Variants in C7 observed in about 807,000 individuals in gnomAD.
C7 encodes complement C7, also known as complement component C7.
A neutral mutation model predicts 104.8 loss-of-function variants in C7; 83 were observed. The observed-to-expected ratio is 0.79, with a 90% CI of 0.66 to 0.95. The LOEUF (loss-of-function observed/expected upper bound fraction) is 0.95, where lower values mean the gene tolerates loss of function less well. C7 is among the 40% of genes least tolerant of loss of function. The pLI is 0.00. For missense variants in C7, 1,070 were observed against 1,011.2 expected (o/e 1.06, Z -0.79); for synonymous variants, 415 against 360.6 (o/e 1.15, Z -1.71).
At chr5:40,925,545 C>G (rs1739533436) in intron 1 of C7, among the ~76,000 whole-genome samples, 1 of 152,210 alleles carries the variant, frequency 6.6e-6, no homozygotes, top group Admixed American at 6.6e-5. Flanking sequence ...AGTTCCAAAG[C>G]TGCTTTCACA....
At chr5:40,911,802 G>A (rs187654561) in intron 1 of C7, among the ~76,000 whole-genome samples, 3 of 149,796 alleles carry the variant, frequency 2.0e-5, no homozygotes, top group South Asian at 4.2e-4. Context: ...GCAGAGGTAC[G>A]ATCTCTGCTC....
chr5:40,914,410 G>C (rs1739275108), intron 1 of C7, among the ~76,000 whole-genome samples: 1 of 152,102 alleles, frequency 6.6e-6, no homozygotes, highest in South Asian at 2.1e-4. Flanking sequence ...CCATTCTGTA[G>C]GTTGTCTGTT....
intron 15 of C7, among the ~76,000 whole-genome samples, chr5:40,974,941 A>G (rs1023763687): frequency 6.6e-6 from 1 of 152,138 alleles, no homozygotes; most frequent in Non-Finnish European, 1.5e-5. Flanking sequence ...GGTGCTTAGC[A>G]GCATCCCTGG....
At chr5:40,972,630 A>G (rs1561259627) in intron 15 of C7, 36 bp downstream of exon 15, 16 of 1,533,908 alleles carry the variant, frequency 1.0e-5, no homozygotes, top group Middle Eastern at 2.1e-4. Flanking sequence ...GGACACTTGT[A>G]CCCAGGCAAG....
chr5:40,953,052 C>G (rs1405199538), intron 9 of C7, among the ~76,000 whole-genome samples: 1 of 152,014 alleles, frequency 6.6e-6, no homozygotes, highest in East Asian at 1.9e-4. Flanking sequence ...TCTGCAGTTC[C>G]CTCAGATGAT....
intron 16 of C7, 30 bp from the exon 17 acceptor site, chr5:40,979,695 G>C (rs773406887): frequency 6.4e-6 from 10 of 1,573,750 alleles, no homozygotes; most frequent in South Asian, 5.8e-5. Flanking sequence ...CAAAAATCTT[G>C]TAAATAATGT....
chr5:40,964,779 G>A lies in C7; in HGVS notation c.1788G>A (p.Val596=). 6.2e-7 allele frequency: 1 copy of A among 1,613,088 alleles called. No homozygotes were observed. The highest frequency in any genetic ancestry group is 8.5e-7 in the Non-Finnish European group (1 of 1,179,136). The change falls in exon 14 of 18, where the codon GTG becomes GTA. Residue 596 remains valine (V), a synonymous_variant. Coordinates refer to ENST00000313164, the MANE Select transcript of C7 (RefSeq NM_000587.4). ...GTMFPVGKNV[V]YTCNEGYSLI... ...TGTTTCCTGTGGGGAAAAATGTAGT[G>A]TACACTTGCAATGAAGGATACTCTC...
chr5:40,912,296 T>C (rs1459191969), intron 1 of C7, among the ~76,000 whole-genome samples: 1 of 152,192 alleles, frequency 6.6e-6, no homozygotes, highest in Non-Finnish European at 1.5e-5. Context: ...ATAATGAGTA[T>C]GTATATGAAG....
At chr5:40,947,127 TCTCA>T (rs1215856867) in intron 7 of C7, among the ~76,000 whole-genome samples, 2 of 146,906 alleles carry the variant, frequency 1.4e-5, no homozygotes, top group Non-Finnish European at 3.0e-5. Context: ...TGATATTGGG[TCTCA>T]CTCTGTTACC....
At chr5:40,928,950 A>G (rs1739615010) in intron 2 of C7, among the ~76,000 whole-genome samples, 2 of 152,178 alleles carry the variant, frequency 1.3e-5, no homozygotes, top group Admixed American at 6.5e-5. Context: ...TTAGAGCAAT[A>G]TTTGATCTTT....
chr5:40,936,345 C>T lies in C7; in HGVS notation c.288C>T (p.Cys96=). Residue 96 remains cysteine (C), a synonymous_variant, in exon 5 of 18, where the codon TGC becomes TGT. Transcript: ENST00000313164. ...GERFRCFSGQ[C]ISKSLVCNGD... The stretch of plus-strand genomic sequence containing the variant: ...GATTTCTCTGGTGTTCAGGTCAGTG[C>T]ATCAGCAAATCATTGGTTTGCAATG... The T allele has an allele frequency of 1.9e-6, 3 of 1,613,168 alleles. No individual in the cohort carries two copies. The highest frequency in any genetic ancestry group is 1.7e-6 in the Non-Finnish European group (2 of 1,179,358).
intron 1 of C7, among the ~76,000 whole-genome samples, chr5:40,926,947 A>G (rs570109120): frequency 6.3e-4 from 93 of 147,938 alleles, no homozygotes; most frequent in African/African-American, 2.4e-3. Flanking sequence ...TAAGGCAATC[A>G]TGGGCAAAAA....
intron 1 of C7, among the ~76,000 whole-genome samples, chr5:40,917,276 C>A (rs1739338510): frequency 6.6e-6 from 1 of 152,188 alleles, no homozygotes; most frequent in African/African-American, 2.4e-5. Context: ...AATCCCCACC[C>A]TGCCCCCATG....
rs769866928 is a variant in C7, at chr5:40,955,541, C to A, written c.1248C>A (p.Val416=). Residue 416 remains valine (V), a synonymous_variant, in exon 10 of 18, where the codon GTC becomes GTA. Coordinates refer to ENST00000313164, the MANE Select transcript of C7 (RefSeq NM_000587.4). ...WAESVTNLPQ[V]IKQKLTPLYE... Reference sequence around the variant, plus strand: ...AATCTGTGACTAATCTTCCTCAAGTCATAAAACAAAAGGTATGTCAGGCTT... The same window carrying A: ...AATCTGTGACTAATCTTCCTCAAGTAATAAAACAAAAGGTATGTCAGGCTT... 3 of 1,611,450 alleles carry A rather than the reference C, an allele frequency of 1.9e-6. No individual in the cohort carries two copies. In the Admixed American group the frequency reaches 5.0e-5, roughly 27 times the overall value.
At position 40,918,960 on chromosome 5, in the gene C7, A is replaced by G. The variant is rs1026816579; in HGVS notation, c.6+9344A>G. ...TAATGAATCTAACAGACACACACAC[A>G]CACACACACACACACACACACACAC... On this transcript the variant is annotated intron_variant, in intron 1 of 17. Coordinates refer to ENST00000313164, the MANE Select transcript of C7 (RefSeq NM_000587.4). Among the ~76,000 whole-genome samples the G allele has an allele frequency of 3.9e-5, 4 of 101,986 alleles. No individual in the cohort carries two copies. In the Admixed American group the frequency reaches 4.4e-4, roughly 11 times the overall value. 66.9% of individuals were successfully genotyped at this position (101,986 alleles called of 152,430 possible). A position where few individuals can be genotyped will look rare whatever the true frequency, so the allele number is the denominator to read the frequency against.
intron 15 of C7, among the ~76,000 whole-genome samples, chr5:40,975,745 A>G (rs895841984): frequency 2.0e-5 from 3 of 152,184 alleles, no homozygotes; most frequent in Non-Finnish European, 1.5e-5. Flanking sequence ...TCATTTTTAC[A>G]GGTTTATGAA....
At chr5:40,968,592 ATATATATATTTTTTTTTTT>A (rs1740618517) in intron 14 of C7, among the ~76,000 whole-genome samples, 5 of 34,000 alleles carry the variant, frequency 1.5e-4, no homozygotes, top group African/African-American at 6.5e-4. Context: ...ATATATATAT[ATATATATATTTTTTTTTTT>A]TTTTTTTTTT....
chr5:40,953,630 A>G (rs1740223983), intron 9 of C7, among the ~76,000 whole-genome samples: 1 of 98,040 alleles, frequency 1.0e-5, no homozygotes, highest in Non-Finnish European at 1.9e-5. Flanking sequence ...ACAGAGCAAG[A>G]CTCTGTCTCA....
rs111918844 is a variant in C7, at chr5:40,963,054, T to C, written c.1749+882T>C. On this transcript the variant is annotated intron_variant, in intron 13 of 17. Transcript: ENST00000313164. ...CCATTCTGTCCTACCACAGCCACCGTAATTCATGGAGTTCCTGAATGGAAC... is the reference window on the plus strand; with the variant it reads ...CCATTCTGTCCTACCACAGCCACCGCAATTCATGGAGTTCCTGAATGGAAC... 1.5e-3 allele frequency among the ~76,000 whole-genome samples: 235 copies of C among 152,278 alleles called. 1 individual carries two copies. Among genetic ancestry groups the C allele is most frequent in the African/African-American group, 5.4e-3 (225 of 41,568 alleles).
Sources: allele counts gnomAD v4.1 joint callset (sites outside exome capture counted in the v4.1 genomes callset), GRCh38; gene constraint gnomAD v4.1.1; transcripts MANE v1.5; gene names NCBI Gene and HGNC (gene_info 2026-07-23, HGNC 2026-07-21).